LEMD3: variants seen among roughly 807,000 people sequenced by gnomAD.
The protein encoded by LEMD3 is LEM domain containing 3.
LEMD3 carries 33 observed loss-of-function variants against 95.2 expected under a neutral mutation model. The observed-to-expected ratio is 0.35, with a 90% CI of 0.26 to 0.46. The LOEUF (loss-of-function observed/expected upper bound fraction) is 0.46. Ranked by LOEUF, LEMD3 falls within the 20% of genes least tolerant of loss-of-function variation. The probability of loss-of-function intolerance (pLI) is 1.00; values close to 1 mark genes in which losing one functional copy is unlikely to be tolerated. For missense variants in LEMD3, 1,210 were observed against 1,192.8 expected, an observed-to-expected ratio of 1.01 and a Z score of -0.21; for synonymous variants, 525 against 474.6, an observed-to-expected ratio of 1.11 and a Z score of -1.38.
At chr12:65,217,118 A>G (rs1487657947) in intron 3 of LEMD3, among the ~76,000 whole-genome samples, 2 of 152,156 alleles carry the variant, frequency 1.3e-5, no homozygotes, top group Non-Finnish European at 2.9e-5. Context: ...ATGTGCTTTT[A>G]AAGATACAGA....
chr12:65,216,826 A>T (rs1870125203), intron 3 of LEMD3, among the ~76,000 whole-genome samples: 1 of 152,156 alleles, frequency 6.6e-6, no homozygotes, highest in South Asian at 2.1e-4. Flanking sequence ...ACAGTTTCCC[A>T]TCCTCTGATC....
At chr12:65,177,285 A>G (rs766261835) in intron 1 of LEMD3, among the ~76,000 whole-genome samples, 2 of 152,182 alleles carry the variant, frequency 1.3e-5, no homozygotes, top group Non-Finnish European at 2.9e-5. Flanking sequence ...TAGGGTGATG[A>G]CACCTGAAGG....
At chr12:65,228,396 TTA>T (rs1321257865) in intron 4 of LEMD3, among the ~76,000 whole-genome samples, 1 of 150,520 alleles carries the variant, frequency 6.6e-6, no homozygotes, top group East Asian at 1.9e-4. Flanking sequence ...ATTTATTTAT[TTA>T]TTTATTTTTT....
At chr12:65,220,346 T>C (rs1870246384) in intron 4 of LEMD3, among the ~76,000 whole-genome samples, 1 of 152,234 alleles carries the variant, frequency 6.6e-6, no homozygotes, top group South Asian at 2.1e-4. Context: ...TAATACCTTA[T>C]CTGTTGGCCA....
chr12:65,183,645 A>C (rs1412953521), intron 1 of LEMD3, among the ~76,000 whole-genome samples: 1 of 152,132 alleles, frequency 6.6e-6, no homozygotes, highest in African/African-American at 2.4e-5. Context: ...GCTAAATCTG[A>C]CCCTAAAACC....
intron 1 of LEMD3, among the ~76,000 whole-genome samples, chr12:65,178,288 G>A (rs565188020): frequency 2.0e-5 from 3 of 151,700 alleles, no homozygotes; most frequent in African/African-American, 7.3e-5. Context: ...CCAGTTTGAT[G>A]ATTTCAGAAA....
chr12:65,237,652 A>G (rs937068460), intron 4 of LEMD3, among the ~76,000 whole-genome samples: 3 of 152,224 alleles, frequency 2.0e-5, no homozygotes, highest in African/African-American at 7.2e-5. Flanking sequence ...TCATTATTCC[A>G]TATCAAAAAA....
chr12:65,202,468 C>T (rs1297815983), intron 1 of LEMD3, among the ~76,000 whole-genome samples: 1 of 151,646 alleles, frequency 6.6e-6, no homozygotes, highest in Non-Finnish European at 1.5e-5. Context: ...ATATACTGTT[C>T]TTGTTATACT....
At chr12:65,194,733 C>CTTAGATTA (rs1869356189) in intron 1 of LEMD3, among the ~76,000 whole-genome samples, 1 of 103,668 alleles carries the variant, frequency 9.6e-6, no homozygotes, top group African/African-American at 3.6e-5. Flanking sequence ...TCTCATCTTC[C>CTTAGATTA]TAATTTTGTG....
chr12:65,169,723 C>T lies in LEMD3; in HGVS notation c.127C>T (p.Leu43=). 3.8e-6 allele frequency: 6 copies of T among 1,589,322 alleles called. No homozygotes were observed. The highest frequency in any genetic ancestry group is 1.8e-5 in the Admixed American group (1 of 56,628). Residue 43 remains leucine, a synonymous_variant, in exon 1 of 13, where the codon CTG becomes TTG. Coordinates refer to ENST00000308330, the MANE Select transcript of LEMD3 (RefSeq NM_014319.5). The stretch of plus-strand genomic sequence containing the variant: ...CACCCGCCCGGTCTACCTCAAGAAG[C>T]TGAAGAAGCTTCGAGAGGAAGAGCA... ...ESTRPVYLKK[L]KKLREEEQQQ... is the part of the protein sequence containing the mutation.
intron 4 of LEMD3, among the ~76,000 whole-genome samples, chr12:65,224,680 A>G (rs1405810333): frequency 6.6e-6 from 1 of 152,122 alleles, no homozygotes; most frequent in Non-Finnish European, 1.5e-5. Flanking sequence ...AACAATTTGA[A>G]CATAACATGT....
At chr12:65,189,189 T>C (rs1447919904) in intron 1 of LEMD3, among the ~76,000 whole-genome samples, 2 of 152,156 alleles carry the variant, frequency 1.3e-5, no homozygotes, top group Non-Finnish European at 2.9e-5. Context: ...ACTGTACTCA[T>C]CTATTTTTGG....
chr12:65,246,502 G>A lies in LEMD3; in HGVS notation c.*177G>A. 2 of 617,016 alleles carry A rather than the reference G, an allele frequency of 3.2e-6. No individual in the cohort carries two copies. Among genetic ancestry groups the A allele is most frequent in the Non-Finnish European group, 5.7e-6 (2 of 349,590 alleles). The allele number at this position is 617,016 out of a possible 1,614,324, so 38.2% of individuals were successfully genotyped here. A position where few individuals can be genotyped will look rare whatever the true frequency, so the allele number is the denominator to read the frequency against. Reference sequence around the variant, plus strand: ...TTTAGCAGTGAGGCAGCAATGCTGAGTAGGTAGGATAATTATTTCATTCAG... The same window carrying A: ...TTTAGCAGTGAGGCAGCAATGCTGAATAGGTAGGATAATTATTTCATTCAG... On this transcript the variant is annotated 3_prime_UTR_variant, in exon 13 of 13. Transcript: ENST00000308330.
chr12:65,209,011 C>G (rs576943589), intron 1 of LEMD3, among the ~76,000 whole-genome samples: 22 of 152,232 alleles, frequency 1.4e-4, no homozygotes, highest in African/African-American at 5.1e-4. Flanking sequence ...CCTCCTCCAG[C>G]ATCCTGCAAA....
intron 4 of LEMD3, among the ~76,000 whole-genome samples, chr12:65,233,493 A>G (rs189367294): frequency 1.4e-3 from 215 of 152,300 alleles, no homozygotes; most frequent in African/African-American, 4.9e-3. Flanking sequence ...AGATCATACA[A>G]TTCTTACTGA....
intron 1 of LEMD3, among the ~76,000 whole-genome samples, chr12:65,204,382 T>C (rs535516504): frequency 1.8e-4 from 28 of 152,078 alleles, no homozygotes; most frequent in Non-Finnish European, 4.0e-4. Context: ...TCCATGTGCC[T>C]GTGTGTTCTC....
intron 1 of LEMD3, among the ~76,000 whole-genome samples, chr12:65,186,320 T>C (rs1869061498): frequency 6.6e-6 from 1 of 152,128 alleles, no homozygotes; most frequent in South Asian, 2.1e-4. Flanking sequence ...AAACAAAATT[T>C]GTATTTTACT....
At chr12:65,228,009 G>C (rs1870507806) in intron 4 of LEMD3, among the ~76,000 whole-genome samples, 2 of 152,110 alleles carry the variant, frequency 1.3e-5, no homozygotes, top group Admixed American at 1.3e-4. Context: ...TGACTGTACT[G>C]TGTTTGAAGG....
Position 65,171,076 on chromosome 12 carries a change from G to C in LEMD3, c.1480G>C (p.Gly494Arg). The C allele has an allele frequency of 6.2e-7, 1 of 1,613,770 alleles. No individual in the cohort carries two copies. The highest frequency in any genetic ancestry group is 8.5e-7 in the Non-Finnish European group (1 of 1,180,034). Residue 494 changes from glycine (G) to arginine (R), a missense_variant, in exon 1 of 13, where the codon GGA becomes CGA. Physicochemically the swap from Gly to Arg is moderately radical, Grantham distance 125. Around this residue, in one of 2 missense-constraint regions of LEMD3, gnomAD observed 461 missense variants for 569.8 expected, o/e 0.81. Coordinates refer to ENST00000308330, the MANE Select transcript of LEMD3 (RefSeq NM_014319.5). ...CCTAATACTGGGACTGACTTACCTAGGAATGAGAGGGACAGGAGTATCTGA... is the reference window on the plus strand; with the variant it reads ...CCTAATACTGGGACTGACTTACCTACGAATGAGAGGGACAGGAGTATCTGA... ...FFLILGLTYLGMRGTGVSEDG... is the reference protein window; with the variant it reads ...FFLILGLTYLRMRGTGVSEDG...
Sources: allele counts gnomAD v4.1 joint callset (sites outside exome capture counted in the v4.1 genomes callset), GRCh38; gene constraint gnomAD v4.1.1; regional missense constraint gnomAD v4.1.1; transcripts MANE v1.5; gene names NCBI Gene and HGNC (gene_info 2026-07-23, HGNC 2026-07-21).